RAB40B: variants seen among roughly 807,000 people sequenced by gnomAD.
RAB40B encodes RAB40B, member RAS oncogene family.
Under a neutral mutation model 24.0 loss-of-function variants are expected in RAB40B, and 21 were observed. The observed-to-expected ratio is 0.88, with a 90% confidence interval of 0.62 to 1.26. The LOEUF (loss-of-function observed/expected upper bound fraction) is 1.26. Among genes scored for constraint, RAB40B ranks in the 50% most tolerant of loss-of-function variants. RAB40B has a pLI of 0.00. For synonymous variants in RAB40B, 167 were observed against 169.8 expected, an observed-to-expected ratio of 0.98 and a Z score of 0.13; for missense variants, 348 against 390.5, an observed-to-expected ratio of 0.89 and a Z score of 0.92.
intron 1 of RAB40B, among the ~76,000 whole-genome samples, chr17:82,672,789 T>C (rs2046354698): frequency 6.6e-6 from 1 of 152,276 alleles, no homozygotes; most frequent in Admixed American, 6.5e-5. Flanking sequence ...CAGTTTGTGG[T>C]ATTCTGTTAC....
intron 1 of RAB40B, among the ~76,000 whole-genome samples, chr17:82,693,477 T>C (rs567612695): frequency 2.1e-3 from 321 of 152,148 alleles, no homozygotes; most frequent in African/African-American, 7.3e-3. Flanking sequence ...GAGCACCAAG[T>C]GAAAAATGCT....
chr17:82,674,637 TAAAAAA>T (rs34107818), intron 1 of RAB40B, among the ~76,000 whole-genome samples: 2 of 143,678 alleles, frequency 1.4e-5, no homozygotes, highest in Admixed American at 6.9e-5. Context: ...AGACTCGTCT[TAAAAAA>T]AAAAAAAAAG....
chr17:82,672,301 T>A (rs2046349066), intron 1 of RAB40B, among the ~76,000 whole-genome samples: 1 of 129,998 alleles, frequency 7.7e-6, no homozygotes, highest in African/African-American at 2.9e-5. Flanking sequence ...ACTCACACGC[T>A]CCCTGTACTG....
chr17:82,688,285 G>A (rs2046522383), intron 1 of RAB40B, among the ~76,000 whole-genome samples: 1 of 151,836 alleles, frequency 6.6e-6, no homozygotes, highest in Non-Finnish European at 1.5e-5. Flanking sequence ...GATTACAGGT[G>A]TGAGCCACCA....
At chr17:82,658,833 G>T in intron 4 of RAB40B, 120 bp from the exon 5 acceptor site, 1 of 857,340 alleles carries the variant, frequency 1.2e-6, no homozygotes, top group Non-Finnish European at 1.8e-6. Context: ...CAGAACCTCA[G>T]CATGGGACCT....
chr17:82,668,660 G>A (rs1004299646), intron 1 of RAB40B, among the ~76,000 whole-genome samples: 13 of 152,262 alleles, frequency 8.5e-5, no homozygotes, highest in African/African-American at 2.9e-4. Context: ...CGACTGGAGC[G>A]GGCGTGGGGA....
intron 1 of RAB40B, among the ~76,000 whole-genome samples, chr17:82,686,038 G>A (rs1413732908): frequency 3.3e-5 from 5 of 149,558 alleles, no homozygotes; most frequent in South Asian, 2.1e-4. Flanking sequence ...TGCTGAACTC[G>A]TGATCTGCCC....
intron 1 of RAB40B, among the ~76,000 whole-genome samples, chr17:82,674,246 A>G (rs111918589): frequency 0.042 from 6,395 of 151,986 alleles, 463 homozygotes; most frequent in African/African-American, 0.15. Context: ...AGGCTGAGGC[A>G]GGAGAGTCAC....
intron 1 of RAB40B, among the ~76,000 whole-genome samples, chr17:82,677,739 A>G (rs1041713108): frequency 6.6e-5 from 10 of 152,306 alleles, no homozygotes; most frequent in Non-Finnish European, 1.3e-4. Context: ...CTCTTTGCGC[A>G]GGACACTTGA....
At chr17:82,685,263 G>A (rs1353736276) in intron 1 of RAB40B, among the ~76,000 whole-genome samples, 5 of 129,546 alleles carry the variant, frequency 3.9e-5, no homozygotes, top group Admixed American at 8.0e-5. Flanking sequence ...GGGGAAGTGG[G>A]CCAGAAGGGA....
chr17:82,656,448 T>G lies in RAB40B; in HGVS notation c.*1415A>C, dbSNP rs773054511. The G allele has an allele frequency of 6.6e-6, 1 of 152,172 alleles. No individual in the cohort carries two copies. Among genetic ancestry groups the G allele is most frequent in the African/African-American group, 2.4e-5 (1 of 41,434 alleles). The allele number at this position is 152,172 out of a possible 1,614,324, so 9.4% of individuals were successfully genotyped here. ...CTCTGAGGCAGTCGGGGTCAGGGGC[T>G]ACATCTTCATGCGGAATTCCTGACA... On this transcript the variant is annotated 3_prime_UTR_variant, in exon 6 of 6. Coordinates refer to ENST00000571995, the MANE Select transcript of RAB40B (RefSeq NM_006822.3).
At position 82,692,923 on chromosome 17, in the gene RAB40B, C is replaced by G. The variant is rs189123849; in HGVS notation, c.142+5532G>C. ...GCCAGAATCTATATTTTAAACACTC[C>G]TAGCAAGCATTGAAAGAAATTCAAC... On this transcript the variant is annotated intron_variant, in intron 1 of 5. Coordinates refer to ENST00000571995, the MANE Select transcript of RAB40B (RefSeq NM_006822.3). This position sits in a 1 kb window ranked among gnomAD's most constrained non-coding sequence, Gnocchi z 4.0. Among the ~76,000 whole-genome samples the G allele has an allele frequency of 1.3e-5, 2 of 152,156 alleles. No individual in the cohort carries two copies. The highest frequency in any genetic ancestry group is 2.9e-5 in the Non-Finnish European group (2 of 68,030).
intron 1 of RAB40B, among the ~76,000 whole-genome samples, chr17:82,669,564 GATCT>G (rs771206046): frequency 2.6e-5 from 4 of 152,130 alleles, no homozygotes; most frequent in Non-Finnish European, 2.9e-5. Flanking sequence ...GAGGTGGAAG[GATCT>G]CTTGAACCCG....
chr17:82,686,104 CTT>C (rs35256137), intron 1 of RAB40B, among the ~76,000 whole-genome samples: 1,409 of 123,374 alleles, frequency 0.011, 22 homozygotes, highest in African/African-American at 0.038. Flanking sequence ...ACCCAGCCTT[CTT>C]TTTTTTTTTT....
chr17:82,690,497 G>A (rs1434007967), intron 1 of RAB40B, among the ~76,000 whole-genome samples: 2 of 144,248 alleles, frequency 1.4e-5, no homozygotes, highest in Admixed American at 6.9e-5. Flanking sequence ...TTGCCGGGGA[G>A]CAGAGAGTGT....
chr17:82,677,168 C>T (rs186153808), intron 1 of RAB40B, among the ~76,000 whole-genome samples: 2,332 of 150,880 alleles, frequency 0.015, 59 homozygotes, highest in African/African-American at 0.053. Context: ...AGGCTGGTCT[C>T]GAACCCCTGA....
chr17:82,662,625 C>T, intron 2 of RAB40B: 3 of 985,260 alleles, frequency 3.0e-6, no homozygotes, highest in Non-Finnish European at 2.4e-6. Flanking sequence ...GGGAGTGTGA[C>T]CTTGCTCAGA....
In RAB40B at chr17:82,697,672, C is replaced by G. The variant is rs765825417; in HGVS notation, c.142+783G>C. 1.1e-4 allele frequency among the ~76,000 whole-genome samples: 16 copies of G among 152,228 alleles called. No homozygotes were observed. Among genetic ancestry groups the G allele is most frequent in the Non-Finnish European group, 1.3e-4 (9 of 68,036 alleles). Reference sequence around the variant, plus strand: ...AGGTGTTCGCCTCTGCGCGTTCCCCCTTCTCCTGGGTTCCTGCCCCCGCCT... The same window carrying G: ...AGGTGTTCGCCTCTGCGCGTTCCCCGTTCTCCTGGGTTCCTGCCCCCGCCT... On this transcript the variant is annotated intron_variant, in intron 1 of 5. Coordinates refer to ENST00000571995, the MANE Select transcript of RAB40B (RefSeq NM_006822.3). This position sits in a 1 kb window ranked among gnomAD's most constrained non-coding sequence, Gnocchi z 4.9.
chr17:82,698,358 T>TC, intron 1 of RAB40B, 97 bp downstream of exon 1: 7 of 557,112 alleles, frequency 1.3e-5, no homozygotes, highest in Non-Finnish European at 1.6e-5. Context: ...CGGTCTCGCG[T>TC]CCCCGGACCC....
Sources: gnomAD v4.1 joint callset for allele counts (sites outside exome capture counted in the v4.1 genomes callset) on GRCh38, gnomAD v4.1.1 for gene constraint, Gnocchi (gnomAD v3.1) non-coding constraint, MANE v1.5 for transcripts, NCBI Gene and HGNC (gene_info 2026-07-23, HGNC 2026-07-21) for gene names.